The following TTC19 variants were observed in gnomAD, a reference collection of about 807,000 sequenced individuals.
The protein encoded by TTC19 is tetratricopeptide repeat protein 19, mitochondrial.
A neutral mutation model predicts 49.5 loss-of-function variants in TTC19; 38 were observed. That is an observed-to-expected ratio of 0.77 (90% CI 0.59 to 1.01). TTC19 has a LOEUF of 1.01. Ranked by LOEUF, TTC19 falls within the 50% of genes least tolerant of loss-of-function variation. The probability of loss-of-function intolerance (pLI) is 0.00; values close to 1 mark genes in which losing one functional copy is unlikely to be tolerated. For synonymous variants in TTC19, 204 were observed against 185.2 expected (o/e 1.10, Z -0.83); for missense variants, 475 against 477.7 (o/e 0.99, Z 0.05).
Position 16,027,909 on chromosome 17 carries a change from TCTTA to T in TTC19, c.*391_*394del, listed in dbSNP as rs1290871400. The T allele has an allele frequency of 1.1e-5, 5 of 458,488 alleles. No homozygotes were observed. The highest frequency in any genetic ancestry group is 9.4e-5 in the Admixed American group (4 of 42,652). 28.4% of individuals were successfully genotyped at this position (458,488 alleles called of 1,614,324 possible). A position where few individuals can be genotyped will look rare whatever the true frequency, so the allele number is the denominator to read the frequency against. On this transcript the variant is annotated 3_prime_UTR_variant, in exon 10 of 10. Coordinates refer to ENST00000261647, the MANE Select transcript of TTC19 (RefSeq NM_017775.4). ...TCTGCTGATTTGCTGCCCTGTCTTC[TCTTA>T]CTTTACTTTATCAATACCTGGCAAA...
chr17:16,000,021 C>T lies in TTC19; in HGVS notation c.173C>T (p.Pro58Leu). ...APHGRGPGLL[P>L]LLAALAWFSR... ...CACGGCCGGGGCCCAGGCCTGCTGCCGCTGCTGGCAGGTGAGGGGCGCGGG... is the reference window on the plus strand; with the variant it reads ...CACGGCCGGGGCCCAGGCCTGCTGCTGCTGCTGGCAGGTGAGGGGCGCGGG... Residue 58 changes from proline (P) to leucine (L), a missense_variant, in exon 1 of 10, where the codon CCG (proline) becomes CTG (leucine). Transcript: ENST00000261647. The T allele has an allele frequency of 8.0e-7, 1 of 1,242,412 alleles. No individual in the cohort carries two copies. Among genetic ancestry groups the T allele is most frequent in the Non-Finnish European group, 1.0e-6 (1 of 995,956 alleles). The allele number at this position is 1,242,412 out of a possible 1,614,324, so 77.0% of individuals were successfully genotyped here.
chr17:16,030,323 A>G, downstream of TTC19: 1 of 224,186 alleles, frequency 4.5e-6, no homozygotes, highest in East Asian at 6.4e-5. Context: ...AAGAAAATCC[A>G]TGTATAAGTG....
chr17:16,037,175 C>T (rs573237230), intron 2 of TTC19, among the ~76,000 whole-genome samples: 52 of 152,242 alleles, frequency 3.4e-4, no homozygotes, highest in Middle Eastern at 3.4e-3. Flanking sequence ...TCAGGACACA[C>T]ACCACCTTTA....
intron 2 of TTC19, chr17:16,039,225 G>C: frequency 1.8e-6 from 1 of 566,510 alleles, no homozygotes; most frequent in East Asian, 3.0e-5. Context: ...GACACTTTGG[G>C]TAAAAATTTT....
intron 8 of TTC19, among the ~76,000 whole-genome samples, chr17:16,025,714 C>T (rs1299807786): frequency 1.3e-5 from 2 of 152,160 alleles, no homozygotes; most frequent in African/African-American, 2.4e-5. Context: ...CCCCTCCATC[C>T]GAGTAAGTTC....
At chr17:16,015,115 G>A (rs1033831516) in intron 7 of TTC19, among the ~76,000 whole-genome samples, 3 of 152,132 alleles carry the variant, frequency 2.0e-5, no homozygotes, top group African/African-American at 4.8e-5. Context: ...TTATTAATGT[G>A]ATAAAATGAA....
chr17:16,043,632 A>G (rs1026702513), intron 2 of TTC19, among the ~76,000 whole-genome samples: 16 of 152,218 alleles, frequency 1.1e-4, no homozygotes, highest in Admixed American at 1.0e-3. Flanking sequence ...CCTGTCAAAG[A>G]GTTTCCCACT....
intron 4 of TTC19, 77 bp downstream of exon 4, chr17:16,002,908 C>T (rs1970785347): frequency 7.5e-7 from 1 of 1,326,080 alleles, no homozygotes; most frequent in Admixed American, 1.7e-5. Flanking sequence ...AGAGTACAGG[C>T]TAAGCTGCTA....
rs1188312776 is a variant in TTC19, at chr17:16,026,570, A to G, written c.862A>G (p.Thr288Ala). Residue 288 changes from threonine to alanine, a missense_variant, in exon 9 of 10, where the codon ACC becomes GCC. Thr to Ala is a moderately conservative substitution (Grantham distance 58). Coordinates refer to ENST00000261647, the MANE Select transcript of TTC19 (RefSeq NM_017775.4). ...TIVLMSDLAT[T>A]LDAQGRFDEA... ...TGTGCTGATGAGTGACCTGGCTACT[A>G]CCCTGGATGCACAGGGCCGCTTTGA... The G allele has an allele frequency of 1.9e-6, 3 of 1,614,022 alleles. No homozygotes were observed. The East Asian group carries it at 6.7e-5, about 36-fold the overall frequency.
downstream of TTC19, chr17:16,030,715 A>ATGTGGGCT (rs1597481137): frequency 1.7e-5 from 3 of 179,380 alleles, no homozygotes; most frequent in East Asian, 2.8e-4. Context: ...CTGAAGACAA[A>ATGTGGGCT]TGTGGGCTTA....
downstream of TTC19, chr17:16,030,667 A>G (rs535059133): frequency 6.6e-5 from 12 of 180,532 alleles, no homozygotes; most frequent in East Asian, 1.0e-3. Flanking sequence ...GACCTCAGGT[A>G]TACAGGAGTG....
chr17:16,002,104 A>G (rs752004320), intron 3 of TTC19, 79 bp downstream of exon 3: 3 of 952,234 alleles, frequency 3.2e-6, no homozygotes, highest in Non-Finnish European at 5.1e-6. Context: ...TCTGATTTAT[A>G]TTCCTGACTT....
intron 2 of TTC19, among the ~76,000 whole-genome samples, chr17:16,035,361 TTTG>T (rs1207902523): frequency 2.0e-5 from 3 of 152,122 alleles, no homozygotes; most frequent in Admixed American, 6.5e-5. Flanking sequence ...TTCTAAATCC[TTTG>T]TTGTCATTTC....
Position 16,000,106 on chromosome 17 carries a change from C to G in TTC19, c.185-12C>G, listed in dbSNP as rs778631812. On this transcript the variant is annotated splice_polypyrimidine_tract_variant and intron_variant, in intron 1 of 9. Coordinates refer to ENST00000261647, the MANE Select transcript of TTC19 (RefSeq NM_017775.4). ...GGGCCGGGCCCGATGACCTCAGAGC[C>G]CCTTCCCGCAGCGCTCGCCTGGTTC... 3.3e-6 allele frequency: 5 copies of G among 1,532,572 alleles called. No homozygotes were observed. The highest frequency in any genetic ancestry group is 4.4e-6 in the Non-Finnish European group (5 of 1,146,536). 94.9% of individuals were successfully genotyped at this position (1,532,572 alleles called of 1,614,324 possible). A position where few individuals can be genotyped will look rare whatever the true frequency, so the allele number is the denominator to read the frequency against.
intron 7 of TTC19, among the ~76,000 whole-genome samples, chr17:16,016,563 T>TTTC (rs1256112224): frequency 2.0e-5 from 3 of 146,968 alleles, no homozygotes; most frequent in African/African-American, 7.7e-5. Context: ...TTTTTTTTTT[T>TTTC]TTTTTTTTTT....
intron 2 of TTC19, chr17:16,035,028 G>A: frequency 4.6e-6 from 6 of 1,300,954 alleles, no homozygotes; most frequent in South Asian, 2.9e-5. Context: ...ATTGCTAAAT[G>A]AAAAAAAAGC....
intron 8 of TTC19, among the ~76,000 whole-genome samples, chr17:16,026,150 AT>A (rs1318345057): frequency 1.7e-5 from 2 of 119,116 alleles, no homozygotes; most frequent in African/African-American, 2.6e-5. Context: ...CAGGAACAAC[AT>A]AATACAGTGG....
Position 16,000,221 on chromosome 17 carries a change from C to T in TTC19, c.288C>T (p.Ile96=). The T allele has an allele frequency of 6.3e-7, 1 of 1,595,184 alleles. No homozygotes were observed. ...EDGADEAEAE[I]IQLLKRAKLS... ...GGGCGGACGAGGCCGAGGCAGAGATCATCCAGCTGCTGAAGCGAGCCAAGG... is the reference window on the plus strand; with the variant it reads ...GGGCGGACGAGGCCGAGGCAGAGATTATCCAGCTGCTGAAGCGAGCCAAGG... The change falls in exon 2 of 10, where the codon ATC becomes ATT. Residue 96 remains isoleucine, a synonymous_variant. Coordinates refer to ENST00000261647, the MANE Select transcript of TTC19 (RefSeq NM_017775.4).
At position 16,026,572 on chromosome 17, in the gene TTC19, C is replaced by A. The variant is rs1412101234; in HGVS notation, c.864C>A (p.Thr288=). Residue 288 remains threonine (T), a synonymous_variant, in exon 9 of 10, where the codon ACC becomes ACA. Transcript: ENST00000261647. ...TGCTGATGAGTGACCTGGCTACTAC[C>A]CTGGATGCACAGGGCCGCTTTGATG... ...TIVLMSDLAT[T]LDAQGRFDEA... is the part of the protein sequence containing the mutation. 6.2e-7 allele frequency: 1 copy of A among 1,614,020 alleles called. No individual in the cohort carries two copies. The highest frequency in any genetic ancestry group is 1.7e-5 in the Admixed American group (1 of 60,018).
Sources: gnomAD v4.1 joint callset for allele counts (sites outside exome capture counted in the v4.1 genomes callset) on GRCh38, gnomAD v4.1.1 for gene constraint, MANE v1.5 for transcripts, NCBI Gene and HGNC (gene_info 2026-07-23, HGNC 2026-07-21) for gene names.